Variants in KLC1 observed in about 807,000 individuals in gnomAD.
The protein encoded by KLC1 is kinesin 2 60/70kDa.
Under a neutral mutation model 84.2 loss-of-function variants are expected in KLC1, and 30 were observed. The ratio of observed to expected loss-of-function variants is 0.36; its 90% CI spans 0.27 to 0.48. The LOEUF (loss-of-function observed/expected upper bound fraction) is 0.48, where lower values mean the gene tolerates loss of function less well. KLC1 is among the 20% of genes least tolerant of loss of function. The pLI is 0.99. For synonymous variants in KLC1, 289 were observed against 293.3 expected (o/e 0.99, Z 0.15); for missense variants, 499 against 805.4 (o/e 0.62, Z 4.60).
rs531835943 is a variant in KLC1, at chr14:103,646,263, G to A, written c.-1-8301G>A. Among the ~76,000 whole-genome samples the A allele has an allele frequency of 3.3e-5, 5 of 152,226 alleles. No homozygotes were observed. In the South Asian group the frequency reaches 6.2e-4, roughly 19 times the overall value. On this transcript the variant is annotated intron_variant, in intron 1 of 16. Coordinates refer to ENST00000334553, the MANE Select transcript of KLC1 (RefSeq NM_001394837.1). ...ACAGAGTAAGTAAAATATCACTCCT[G>A]TCATAAAGGACGAATTAAAAGGACA...
chr14:103,700,917 G>A (rs1310196293), intron 16 of KLC1, among the ~76,000 whole-genome samples, 190 bp downstream of exon 16: 2 of 152,210 alleles, frequency 1.3e-5, no homozygotes, highest in African/African-American at 2.4e-5. Flanking sequence ...AGAGTGGGGG[G>A]GTGGGAATGG....
intron 16 of KLC1, 80 bp downstream of exon 16, chr14:103,700,807 G>C: frequency 8.4e-7 from 1 of 1,188,798 alleles, no homozygotes; most frequent in Non-Finnish European, 1.2e-6. Context: ...ACTGGGGGGA[G>C]CTGGGGATGG....
At chr14:103,692,554 C>G (rs979858927) in intron 15 of KLC1, 129 bp downstream of exon 15, 1 of 648,920 alleles carries the variant, frequency 1.5e-6, no homozygotes, top group Non-Finnish European at 2.6e-6. Flanking sequence ...CACGTTTGTT[C>G]CTAGACAGAC....
At chr14:103,699,339 G>A in intron 15 of KLC1, 2 of 1,578,876 alleles carry the variant, frequency 1.3e-6, no homozygotes, top group Non-Finnish European at 1.7e-6. Context: ...CGAGCTCAGG[G>A]GTGCAACCCT....
chr14:103,700,687 A>G lies in KLC1; in HGVS notation c.1881A>G (p.Lys627=). ...GVSGRASFCG[K]RQQQQWPGRR... is the part of the protein sequence containing the mutation. ...CTGGCCGAGCCTCTTTTTGTGGAAA[A>G]CGACAGCAGCAGCAGTGGCCTGGAA... is the stretch of plus-strand genomic sequence containing the variant. The change falls in exon 16 of 17, where the codon AAA becomes AAG. Residue 627 remains lysine (K), a synonymous_variant. Coordinates refer to ENST00000334553, the MANE Select transcript of KLC1 (RefSeq NM_001394837.1). 1 of 1,606,708 alleles carries G rather than the reference A, an allele frequency of 6.2e-7. No homozygotes were observed. The highest frequency in any genetic ancestry group is 8.5e-7 in the Non-Finnish European group (1 of 1,177,166).
intron 5 of KLC1, 151 bp downstream of exon 5, chr14:103,663,078 G>A (rs1034680888): frequency 5.6e-6 from 3 of 534,714 alleles, no homozygotes; most frequent in Non-Finnish European, 9.5e-6. Flanking sequence ...AAAATATTTA[G>A]CAAGCTTTTT....
At chr14:103,633,409 CAGT>C (rs2076832513) in intron 1 of KLC1, among the ~76,000 whole-genome samples, 2 of 152,062 alleles carry the variant, frequency 1.3e-5, no homozygotes, top group Non-Finnish European at 2.9e-5. Context: ...AGAGCATAGG[CAGT>C]GGTGGGGCAG....
At chr14:103,678,268 T>A (rs1167129831) in intron 12 of KLC1, among the ~76,000 whole-genome samples, 1 of 146,688 alleles carries the variant, frequency 6.8e-6, no homozygotes, top group African/African-American at 2.5e-5. Flanking sequence ...GTCTCAAAAA[T>A]TAAAATAAAA....
At chr14:103,653,377 A>G (rs2078609746) in intron 1 of KLC1, among the ~76,000 whole-genome samples, 1 of 152,194 alleles carries the variant, frequency 6.6e-6, no homozygotes, top group Admixed American at 6.5e-5. Context: ...GCTGGAGTGC[A>G]GTAGTGAGAT....
At chr14:103,657,514 C>A in intron 2 of KLC1, 32 bp from the exon 3 acceptor site, 1 of 1,569,622 alleles carries the variant, frequency 6.4e-7, no homozygotes, top group Non-Finnish European at 8.8e-7. Context: ...GGACAACGTG[C>A]CACAGTGCTG....
chr14:103,690,623 C>G (rs2082049921), intron 14 of KLC1, among the ~76,000 whole-genome samples: 1 of 27,068 alleles, frequency 3.7e-5, no homozygotes, highest in Non-Finnish European at 1.3e-4. Flanking sequence ...AACTGCTGCG[C>G]TCATGTTCGC....
chr14:103,644,192 G>C (rs1434044539), intron 1 of KLC1, among the ~76,000 whole-genome samples: 2 of 129,800 alleles, frequency 1.5e-5, no homozygotes, highest in South Asian at 2.5e-4. Context: ...ATCAGCCTGG[G>C]CAACAGAGCG....
At chr14:103,651,656 C>T (rs2078453216) in intron 1 of KLC1, among the ~76,000 whole-genome samples, 1 of 152,186 alleles carries the variant, frequency 6.6e-6, no homozygotes, top group Non-Finnish European at 1.5e-5. Flanking sequence ...GTTTCTTGTG[C>T]TCTCACTCCG....
At position 103,675,485 on chromosome 14, in the gene KLC1, G is replaced by A. The variant is rs1373640297; in HGVS notation, c.1262-67G>A. ...TGACACTCAAAGGAAATTCCCCTTA[G>A]AGCAGTTCAGATTTTGGAGTTTTGG... On this transcript the variant is annotated intron_variant, in intron 9 of 16. Coordinates refer to ENST00000334553, the MANE Select transcript of KLC1 (RefSeq NM_001394837.1). 2.2e-6 allele frequency: 3 copies of A among 1,379,358 alleles called. No individual in the cohort carries two copies. In the East Asian group the frequency reaches 6.9e-5, roughly 32 times the overall value. 85.4% of individuals were successfully genotyped at this position (1,379,358 alleles called of 1,614,324 possible).
intron 1 of KLC1, among the ~76,000 whole-genome samples, chr14:103,645,434 A>G (rs915336696): frequency 2.0e-5 from 3 of 152,182 alleles, no homozygotes; most frequent in Admixed American, 6.6e-5. Flanking sequence ...GCTCCCTGCC[A>G]TGCTTGTAGT....
In KLC1 at chr14:103,687,087, A is replaced by G; in HGVS notation, c.1657A>G (p.Thr553Ala). Residue 553 changes from threonine (T) to alanine (A), a missense_variant, in exon 14 of 17, where the codon ACT becomes GCT. Physicochemically the swap from Thr to Ala is moderately conservative, Grantham distance 58. This residue lies in a region of KLC1 where 167 missense variants were observed against 208.8 expected (regional missense o/e 0.80). Coordinates refer to ENST00000334553, the MANE Select transcript of KLC1 (RefSeq NM_001394837.1). ...SMSVEWNGDG[T>A]GSLKRSGSFS... The stretch of plus-strand genomic sequence containing the variant: ...TTGTTCACGTTTTTTTCAGGATGGC[A>G]CTGGATCTTTAAAACGCAGTGGTTC... 6.5e-7 allele frequency: 1 copy of G among 1,538,990 alleles called. No individual in the cohort carries two copies. The highest frequency in any genetic ancestry group is 8.8e-7 in the Non-Finnish European group (1 of 1,137,384).
intron 13 of KLC1, chr14:103,685,378 C>T (rs979933334): frequency 5.0e-6 from 6 of 1,211,526 alleles, no homozygotes; most frequent in African/African-American, 1.6e-5. Context: ...CCAATCTTTA[C>T]GCTTAAAGTG....
chr14:103,646,863 C>T (rs891900577), intron 1 of KLC1, among the ~76,000 whole-genome samples: 3 of 152,108 alleles, frequency 2.0e-5, no homozygotes, highest in Admixed American at 2.0e-4. Context: ...CCTCCCACCT[C>T]ATCCTCCCAA....
At chr14:103,653,127 C>T (rs1244886681) in intron 1 of KLC1, among the ~76,000 whole-genome samples, 1 of 152,030 alleles carries the variant, frequency 6.6e-6, no homozygotes, top group African/African-American at 2.4e-5. Context: ...AAGATCAAGT[C>T]CCTGCCTTTT....
Sources: gnomAD v4.1 joint callset for allele counts (sites outside exome capture counted in the v4.1 genomes callset) on GRCh38, gnomAD v4.1.1 for gene constraint, gnomAD v4.1.1 regional missense constraint, MANE v1.5 for transcripts, NCBI Gene and HGNC (gene_info 2026-07-23, HGNC 2026-07-21) for gene names.